The following DCHS2 variants were observed in gnomAD, a reference collection of about 807,000 sequenced individuals.
The protein encoded by DCHS2 is protocadherin-23.
Under a neutral mutation model 182.4 loss-of-function variants are expected in DCHS2, and 142 were observed. The observed-to-expected ratio is 0.78, with a 90% CI of 0.68 to 0.89. The LOEUF (loss-of-function observed/expected upper bound fraction) is 0.89. DCHS2 is among the 40% of genes least tolerant of loss of function. DCHS2 has a pLI of 0.00. For missense variants in DCHS2, 4,319 were observed against 4,198.6 expected, an observed-to-expected ratio of 1.03 and a Z score of -0.79; for synonymous variants, 1,740 against 1,663.3, an observed-to-expected ratio of 1.05 and a Z score of -1.12.
chr4:154,258,958 CTCAAT>C (rs1560990636), intron 15 of DCHS2, among the ~76,000 whole-genome samples: 2 of 152,154 alleles, frequency 1.3e-5, no homozygotes, highest in African/African-American at 4.8e-5. Flanking sequence ...ACTACAAAAA[CTCAAT>C]TCAATAGTGG....
chr4:154,402,539 C>T lies in DCHS2; in HGVS notation c.2053-25095G>A, dbSNP rs370467467. 3.3e-5 allele frequency among the ~76,000 whole-genome samples: 5 copies of T among 152,272 alleles called. No homozygotes were observed. The East Asian group carries it at 9.7e-4, about 29-fold the overall frequency. On this transcript the variant is annotated intron_variant, in intron 1 of 19. Transcript: ENST00000357232. ...ACTGCTAACAAAGACATACCTGAGA[C>T]TGGTATACAGGAAGGAGGCTTAATG...
chr4:154,448,041 A>G (rs967004046), intron 1 of DCHS2, among the ~76,000 whole-genome samples: 6 of 152,102 alleles, frequency 3.9e-5, no homozygotes, highest in Admixed American at 2.0e-4. Context: ...AACTCATCCC[A>G]TTAAATTCAA....
Position 154,489,796 on chromosome 4 carries a change from G to T in DCHS2, c.1560C>A (p.Ser520Arg). 6.4e-7 allele frequency: 1 copy of T among 1,551,654 alleles called. No individual in the cohort carries two copies. The highest frequency in any genetic ancestry group is 1.2e-5 in the South Asian group (1 of 84,056). ...CCCGGAGTAGCAGCGTCTCCTCCGTGCTCAGCGGCGGGGACCCCGCGTCCG... is the reference window on the plus strand; with the variant it reads ...CCCGGAGTAGCAGCGTCTCCTCCGTTCTCAGCGGCGGGGACCCCGCGTCCG... ...VATDAGSPPL[S>R]TEETLLLRVA... The change falls in exon 1 of 20, where the codon AGC becomes AGA. Residue 520 changes from serine to arginine, a missense_variant. Physicochemically the swap from Ser to Arg is moderately radical, Grantham distance 110. Transcript: ENST00000357232.
In DCHS2 at chr4:154,320,792, T is replaced by A; in HGVS notation, c.4607A>T (p.Asp1536Val). 1 of 1,614,156 alleles carries A rather than the reference T, an allele frequency of 6.2e-7. No homozygotes were observed. Among genetic ancestry groups the A allele is most frequent in the South Asian group, 1.1e-5 (1 of 91,076 alleles). Residue 1536 changes from aspartate (D) to valine (V), a missense_variant, in exon 9 of 20, where the codon GAT (aspartate) becomes GTT (valine). Transcript: ENST00000357232. The part of the protein sequence containing the change: ...GTLVYVFNAK[D>V]DDGSFLNSRI... Reference sequence around the variant, plus strand: ...ACTGTTCAAAAAACTGCCGTCATCATCTTTGGCATTGAAGACATACACCAG... The same window carrying A: ...ACTGTTCAAAAAACTGCCGTCATCAACTTTGGCATTGAAGACATACACCAG...
chr4:154,332,747 T>C lies in DCHS2; in HGVS notation c.3461A>G (p.Gln1154Arg). The change falls in exon 5 of 20, where the codon CAA becomes CGA. Residue 1154 changes from glutamine to arginine, a missense_variant. Physicochemically the swap from Gln to Arg is conservative, Grantham distance 43. Coordinates refer to ENST00000357232, the MANE Select transcript of DCHS2 (RefSeq NM_001358235.2). ...LRRQFDYEST[Q>R]TYNFRVFAWI... ...AGCAAACACTCTAAAATTATATGTT[T>C]GGGTGGATTCATAGTCAAACTGTCG... The C allele has an allele frequency of 1.2e-6, 2 of 1,614,222 alleles. No homozygotes were observed. The highest frequency in any genetic ancestry group is 1.7e-6 in the Non-Finnish European group (2 of 1,180,038).
chr4:154,461,956 T>C (rs1006025187), intron 1 of DCHS2, among the ~76,000 whole-genome samples: 4 of 152,176 alleles, frequency 2.6e-5, no homozygotes, highest in Non-Finnish European at 5.9e-5. Flanking sequence ...TTCAAGGCCC[T>C]GCACTTGATG....
chr4:154,342,275 G>T (rs1175184482), intron 3 of DCHS2, among the ~76,000 whole-genome samples: 1 of 152,106 alleles, frequency 6.6e-6, no homozygotes, highest in Non-Finnish European at 1.5e-5. Context: ...CTTGCTGGTG[G>T]AGGGGCTTGC....
At chr4:154,380,907 A>G (rs1453944345) in intron 1 of DCHS2, among the ~76,000 whole-genome samples, 1 of 152,136 alleles carries the variant, frequency 6.6e-6, no homozygotes, top group African/African-American at 2.4e-5. Context: ...ATATCCATTG[A>G]CTGACACATA....
intron 3 of DCHS2, among the ~76,000 whole-genome samples, chr4:154,342,989 C>A (rs987920167): frequency 2.6e-5 from 4 of 152,160 alleles, no homozygotes; most frequent in African/African-American, 7.2e-5. Flanking sequence ...GCATGGATTG[C>A]AGAATGAATC....
At chr4:154,445,164 C>T (rs1734227644) in intron 1 of DCHS2, among the ~76,000 whole-genome samples, 1 of 152,174 alleles carries the variant, frequency 6.6e-6, no homozygotes, top group Admixed American at 6.5e-5. Context: ...TCTTTCTCTC[C>T]CACTAGACTG....
intron 13 of DCHS2, among the ~76,000 whole-genome samples, chr4:154,283,628 C>G (rs1734259658): frequency 6.6e-6 from 1 of 152,072 alleles, no homozygotes; most frequent in Non-Finnish European, 1.5e-5. Context: ...TAAAAATGCA[C>G]ACATAGCAAC....
intron 5 of DCHS2, chr4:154,331,652 C>G: frequency 1.2e-6 from 2 of 1,614,014 alleles, no homozygotes; most frequent in South Asian, 1.1e-5. Flanking sequence ...AATGCAAAGT[C>G]TGTCCCACTA....
intron 1 of DCHS2, among the ~76,000 whole-genome samples, chr4:154,386,584 A>T (rs527579453): frequency 1.0e-3 from 158 of 152,212 alleles, no homozygotes; most frequent in African/African-American, 3.7e-3. Flanking sequence ...TGATAATAAC[A>T]TGTCTTCCCC....
chr4:154,462,593 A>G (rs1462465447), intron 1 of DCHS2, among the ~76,000 whole-genome samples: 2 of 152,182 alleles, frequency 1.3e-5, no homozygotes. Context: ...CTATTAAGTG[A>G]TAGAATTTAA....
At chr4:154,355,990 T>C (rs771026755) in intron 3 of DCHS2, among the ~76,000 whole-genome samples, 4 of 152,130 alleles carry the variant, frequency 2.6e-5, no homozygotes, top group Non-Finnish European at 5.9e-5. Flanking sequence ...GCTTTTCTAC[T>C]GATTGAAAAA....
chr4:154,302,852 AATAT>A (rs1333347594), intron 12 of DCHS2, among the ~76,000 whole-genome samples: 4 of 116,026 alleles, frequency 3.4e-5, no homozygotes, highest in Non-Finnish European at 7.8e-5. Flanking sequence ...ACATATATGA[AATAT>A]ATATACGTGT....
chr4:154,260,856 T>A (rs1242292365), intron 14 of DCHS2, among the ~76,000 whole-genome samples: 19 of 152,284 alleles, frequency 1.2e-4, no homozygotes, highest in Admixed American at 1.0e-3. Flanking sequence ...GTAATACTTT[T>A]ATGCCCTCAT....
At chr4:154,462,053 C>T (rs1735029779) in intron 1 of DCHS2, among the ~76,000 whole-genome samples, 1 of 152,124 alleles carries the variant, frequency 6.6e-6, no homozygotes, top group African/African-American at 2.4e-5. Flanking sequence ...CGGGAACACA[C>T]CCACCTCACC....
intron 7 of DCHS2, among the ~76,000 whole-genome samples, chr4:154,323,779 T>C (rs1218711932): frequency 6.6e-6 from 1 of 152,006 alleles, no homozygotes; most frequent in African/African-American, 2.4e-5. Context: ...TATAGATGTA[T>C]ATAAAAAATG....
Sources: gnomAD v4.1 joint callset for allele counts (sites outside exome capture counted in the v4.1 genomes callset) on GRCh38, gnomAD v4.1.1 for gene constraint, MANE v1.5 for transcripts, NCBI Gene and HGNC (gene_info 2026-07-23, HGNC 2026-07-21) for gene names.